Variants in SFT2D1 observed in about 807,000 individuals in gnomAD.
SFT2D1 encodes the protein vesicle transport protein SFT2A.
Under a neutral mutation model 28.1 loss-of-function variants are expected in SFT2D1, and 24 were observed. The ratio of observed to expected loss-of-function variants is 0.85; its 90% confidence interval spans 0.62 to 1.20. The LOEUF (loss-of-function observed/expected upper bound fraction) is 1.20. SFT2D1 is among the 50% of genes most tolerant of loss of function. The pLI is 0.00. For missense variants in SFT2D1, 181 were observed against 190.9 expected (o/e 0.95, Z 0.31); for synonymous variants, 82 against 73.7 (o/e 1.11, Z -0.58).
chr6:166,336,020 T>C (rs1034695913), intron 1 of SFT2D1, among the ~76,000 whole-genome samples: 4 of 152,246 alleles, frequency 2.6e-5, no homozygotes, highest in Non-Finnish European at 4.4e-5. Flanking sequence ...TTTAATGTAA[T>C]TTTTTTCTTT....
At chr6:166,329,772 T>G (rs534051899) in intron 2 of SFT2D1, among the ~76,000 whole-genome samples, 183 bp from the exon 3 acceptor site, 35 of 152,358 alleles carry the variant, frequency 2.3e-4, no homozygotes, top group African/African-American at 8.4e-4. Flanking sequence ...ATACACTAAC[T>G]TGAATCTTCT....
At position 166,320,074 on chromosome 6, in the gene SFT2D1, A is replaced by G; in HGVS notation, c.*143T>C. On this transcript the variant is annotated 3_prime_UTR_variant, in exon 8 of 8. Transcript: ENST00000361731. ...TGGTTTAATCAAGCATGTAGTTTTT[A>G]CCAGTATACAAAATGAGACTTAGTA... 1 of 656,942 alleles carries G rather than the reference A, an allele frequency of 1.5e-6. No homozygotes were observed. The highest frequency in any genetic ancestry group is 1.9e-5 in the South Asian group (1 of 53,854). 40.7% of individuals were successfully genotyped at this position (656,942 alleles called of 1,614,324 possible). A position where few individuals can be genotyped will look rare whatever the true frequency, so the allele number is the denominator to read the frequency against.
chr6:166,328,565 TA>T (rs1778494579), intron 3 of SFT2D1, among the ~76,000 whole-genome samples: 3 of 151,802 alleles, frequency 2.0e-5, no homozygotes, highest in Admixed American at 2.0e-4. Context: ...CTCCAAAATG[TA>T]AGTGTCTTCA....
Position 166,326,123 on chromosome 6 carries a change from A to C in SFT2D1, c.351+9T>G, listed in dbSNP as rs1246945581. ...TTAACTGAAAGCCAGTAGGGCTGAC[A>C]TAACTTACCCAAAGAGCAGCACACA... On this transcript the variant is annotated intron_variant, in intron 5 of 7. Coordinates refer to ENST00000361731, the MANE Select transcript of SFT2D1 (RefSeq NM_145169.3). 1.2e-6 allele frequency: 2 copies of C among 1,613,608 alleles called. No individual in the cohort carries two copies. Among genetic ancestry groups the C allele is most frequent in the Non-Finnish European group, 1.7e-6 (2 of 1,179,624 alleles).
At chr6:166,335,056 A>C in intron 1 of SFT2D1, 1 of 544,456 alleles carries the variant, frequency 1.8e-6, no homozygotes, top group East Asian at 4.5e-5. Flanking sequence ...TGTGGACAAG[A>C]CTGTCACTCA....
chr6:166,336,871 G>A (rs958208450), intron 1 of SFT2D1, among the ~76,000 whole-genome samples: 18 of 152,330 alleles, frequency 1.2e-4, no homozygotes, highest in African/African-American at 4.3e-4. Flanking sequence ...CATGTGGCCT[G>A]GGGCCTCTTT....
Position 166,319,951 on chromosome 6 carries a change from T to C in SFT2D1, c.*266A>G, listed in dbSNP as rs751238072. 3.5e-4 allele frequency: 118 copies of C among 341,970 alleles called. 1 individual carries two copies. The highest frequency in any genetic ancestry group is 5.5e-4 in the Non-Finnish European group (105 of 190,880). The allele number at this position is 341,970 out of a possible 1,614,324, so 21.2% of individuals were successfully genotyped here. A position where few individuals can be genotyped will look rare whatever the true frequency, so the allele number is the denominator to read the frequency against. Reference sequence around the variant, plus strand: ...AAGCTGCTTTGAAAAGATTTAAAAATTGGCTAAAAATAATTTACAACTGGC... The same window carrying C: ...AAGCTGCTTTGAAAAGATTTAAAAACTGGCTAAAAATAATTTACAACTGGC... On this transcript the variant is annotated 3_prime_UTR_variant, in exon 8 of 8. Transcript: ENST00000361731.
intron 1 of SFT2D1, among the ~76,000 whole-genome samples, chr6:166,331,048 G>C (rs1346020786): frequency 6.6e-6 from 1 of 152,172 alleles, no homozygotes; most frequent in Non-Finnish European, 1.5e-5. Context: ...GCAAATTCTA[G>C]CCAAATTATG....
intron 1 of SFT2D1, chr6:166,331,331 T>G (rs1778544663): frequency 6.6e-6 from 1 of 152,498 alleles, no homozygotes; most frequent in Admixed American, 6.5e-5. Flanking sequence ...TAATGAAAAA[T>G]AAGAGAAAGT....
At chr6:166,335,384 C>G in intron 1 of SFT2D1, 1 of 573,588 alleles carries the variant, frequency 1.7e-6, no homozygotes, top group African/African-American at 1.9e-5. Context: ...TTACAACAAT[C>G]AGCCTTCAAA....
chr6:166,336,806 G>C (rs1383441023), intron 1 of SFT2D1, among the ~76,000 whole-genome samples: 1 of 152,200 alleles, frequency 6.6e-6, no homozygotes, highest in African/African-American at 2.4e-5. Flanking sequence ...CTGGGCCCAA[G>C]CAATCCTCCT....
At chr6:166,326,609 C>T (rs529892873) in intron 4 of SFT2D1, among the ~76,000 whole-genome samples, 46 of 152,284 alleles carry the variant, frequency 3.0e-4, no homozygotes, top group African/African-American at 1.1e-3. Context: ...CTTTAAAGGG[C>T]TGTTGTAATG....
At chr6:166,324,376 A>G (rs1401936767) in intron 6 of SFT2D1, 161 bp downstream of exon 6, 1 of 584,682 alleles carries the variant, frequency 1.7e-6, no homozygotes, top group Non-Finnish European at 3.0e-6. Flanking sequence ...CACGCTGTCA[A>G]GTGCAACAGG....
intron 1 of SFT2D1, chr6:166,334,701 G>C (rs1209081860): frequency 7.9e-6 from 2 of 253,426 alleles, no homozygotes; most frequent in Non-Finnish European, 1.6e-5. Flanking sequence ...TGAGCGATGG[G>C]GAACGCTCGT....
chr6:166,324,871 A>T (rs942548647), intron 5 of SFT2D1, among the ~76,000 whole-genome samples: 2 of 152,264 alleles, frequency 1.3e-5, no homozygotes, highest in African/African-American at 2.4e-5. Flanking sequence ...TGAAAACATT[A>T]GACTTTTAAA....
chr6:166,328,927 A>G (rs2114899523), intron 3 of SFT2D1, among the ~76,000 whole-genome samples: 1 of 152,280 alleles, frequency 6.6e-6, no homozygotes, highest in Admixed American at 6.5e-5. Context: ...CTCTGTCACT[A>G]CTGCCACACC....
intron 1 of SFT2D1, among the ~76,000 whole-genome samples, chr6:166,340,189 C>T (rs1379455463): frequency 6.6e-6 from 1 of 152,196 alleles, no homozygotes; most frequent in Non-Finnish European, 1.5e-5. Flanking sequence ...CTTTAAACCA[C>T]TTCTATCACT....
At position 166,328,425 on chromosome 6, in the gene SFT2D1, T is replaced by C. The variant is rs575602361; in HGVS notation, c.234-68A>G. On this transcript the variant is annotated intron_variant, in intron 3 of 7. Coordinates refer to ENST00000361731, the MANE Select transcript of SFT2D1 (RefSeq NM_145169.3). ...TTTATCTGGTTATGCAAAAATAAAC[T>C]ACTTTTTTAAAAAAGAAGCCCTGTT... 2.6e-5 allele frequency: 24 copies of C among 935,372 alleles called. No individual in the cohort carries two copies. The African/African-American group carries it at 3.8e-4, about 15-fold the overall frequency. 57.9% of individuals were successfully genotyped at this position (935,372 alleles called of 1,614,324 possible).
chr6:166,330,515 A>C (rs1432563610), intron 1 of SFT2D1, among the ~76,000 whole-genome samples: 2 of 152,246 alleles, frequency 1.3e-5, no homozygotes, highest in Non-Finnish European at 2.9e-5. Flanking sequence ...GACAGCCGAT[A>C]TACACTGATA....
Sources: gnomAD v4.1 joint callset for allele counts (sites outside exome capture counted in the v4.1 genomes callset) on GRCh38, gnomAD v4.1.1 for gene constraint, MANE v1.5 for transcripts, NCBI Gene and HGNC (gene_info 2026-07-23, HGNC 2026-07-21) for gene names.